Variants in DDX60 observed in about 807,000 individuals in gnomAD.
DDX60 encodes DExD/H-box helicase 60, also known as probable ATP-dependent RNA helicase DDX60.
In DDX60, 165 loss-of-function variants were observed where a neutral mutation model predicts 212.8. That is an observed-to-expected ratio of 0.78 (90% CI 0.68 to 0.88). The LOEUF (loss-of-function observed/expected upper bound fraction) is 0.88. DDX60 is among the 40% of genes least tolerant of loss of function. DDX60 has a pLI of 0.00. For synonymous variants in DDX60, 703 were observed against 685.3 expected, an observed-to-expected ratio of 1.03 and a Z score of -0.40; for missense variants, 1,905 against 2,003.9, an observed-to-expected ratio of 0.95 and a Z score of 0.94.
chr4:168,247,530 A>T lies in DDX60; in HGVS notation c.3963+658T>A, dbSNP rs1734063795. On this transcript the variant is annotated intron_variant, in intron 29 of 37. Coordinates refer to ENST00000393743, the MANE Select transcript of DDX60 (RefSeq NM_017631.6). ...AAACCTGCATGTGGGTGACATATCT[A>T]AATTTGATTCTGCGAGCAGAAATAA... 1.3e-5 allele frequency among the ~76,000 whole-genome samples: 2 copies of T among 152,234 alleles called. 1 individual carries two copies. The highest frequency in any genetic ancestry group is 1.3e-4 in the Admixed American group (2 of 15,282).
intron 25 of DDX60, among the ~76,000 whole-genome samples, chr4:168,257,393 A>G (rs1454845): frequency 0.38 from 57,028 of 152,030 alleles, 11,411 homozygotes; most frequent in African/African-American, 0.52. Flanking sequence ...ACTCACAACA[A>G]TCCTATGAAG....
intron 6 of DDX60, among the ~76,000 whole-genome samples, chr4:168,297,620 T>A (rs1480423505): frequency 6.6e-6 from 1 of 152,116 alleles, no homozygotes; most frequent in Non-Finnish European, 1.5e-5. Context: ...TCATTGCACA[T>A]CTTATCAAAA....
At chr4:168,306,992 C>T (rs1365875499) in intron 4 of DDX60, among the ~76,000 whole-genome samples, 2 of 152,172 alleles carry the variant, frequency 1.3e-5, no homozygotes, top group Non-Finnish European at 2.9e-5. Context: ...AATTCTTTTC[C>T]TCTCCAATCT....
intron 25 of DDX60, among the ~76,000 whole-genome samples, chr4:168,260,106 G>A (rs190013029): frequency 3.6e-3 from 550 of 151,712 alleles, no homozygotes; most frequent in African/African-American, 0.012. Context: ...TTTCTATGTC[G>A]TCTTTAATTT....
At chr4:168,243,242 T>G (rs1398249505) in intron 30 of DDX60, among the ~76,000 whole-genome samples, 2 of 152,140 alleles carry the variant, frequency 1.3e-5, no homozygotes, top group African/African-American at 2.4e-5. Context: ...CCAAAGCAAT[T>G]GCAACAAAAG....
intron 35 of DDX60, among the ~76,000 whole-genome samples, chr4:168,222,108 A>G (rs1733081223): frequency 6.6e-6 from 1 of 152,084 alleles, no homozygotes; most frequent in African/African-American, 2.4e-5. Flanking sequence ...ACAAAATACC[A>G]ATGGCACTTT....
chr4:168,271,927 A>T, intron 19 of DDX60, 116 bp downstream of exon 19: 1 of 771,664 alleles, frequency 1.3e-6, no homozygotes, highest in Non-Finnish European at 2.1e-6. Context: ...AAAAAAACGG[A>T]GGCCTTCTCA....
chr4:168,285,931 GGA>G (rs1735816728), intron 10 of DDX60, among the ~76,000 whole-genome samples: 1 of 132,864 alleles, frequency 7.5e-6, no homozygotes, highest in Admixed American at 8.2e-5. Flanking sequence ...AAGGAAGGAA[GGA>G]AGGAAGGGAG....
chr4:168,221,958 G>C, intron 35 of DDX60, 77 bp from the exon 36 acceptor site: 1 of 1,429,050 alleles, frequency 7.0e-7, no homozygotes, highest in Non-Finnish European at 9.5e-7. Context: ...GTGCTTTGTA[G>C]ATACATCCTT....
At chr4:168,292,669 C>T (rs1319384663) in intron 7 of DDX60, among the ~76,000 whole-genome samples, 1 of 152,098 alleles carries the variant, frequency 6.6e-6, no homozygotes, top group East Asian at 1.9e-4. Context: ...ATCTGAAAAA[C>T]CTGCCCTGTG....
chr4:168,249,731 T>C (rs1296311223), intron 28 of DDX60, among the ~76,000 whole-genome samples: 1 of 152,204 alleles, frequency 6.6e-6, no homozygotes, highest in Non-Finnish European at 1.5e-5. Context: ...ATATTGTACG[T>C]GGTTATTAGC....
At chr4:168,226,425 C>T (rs1237307571) in intron 33 of DDX60, among the ~76,000 whole-genome samples, 6 of 151,972 alleles carry the variant, frequency 3.9e-5, no homozygotes, top group African/African-American at 1.4e-4. Flanking sequence ...CTCCCTTGCC[C>T]CTTCCACCAT....
In DDX60 at chr4:168,271,317, G is replaced by C. The variant is rs1735088064; in HGVS notation, c.2670+726C>G. Among the ~76,000 whole-genome samples, 3 of 152,274 alleles carry C rather than the reference G, an allele frequency of 2.0e-5. No homozygotes were observed. The South Asian group carries it at 6.2e-4, about 32-fold the overall frequency. The stretch of plus-strand genomic sequence containing the variant: ...CTGACCCATAGACACTTCGTCAAAA[G>C]GACTCTTATGATTTCTGGTTCCACT... On this transcript the variant is annotated intron_variant, in intron 19 of 37. Transcript: ENST00000393743.
At chr4:168,225,712 T>C (rs1733230605) in intron 33 of DDX60, 36 bp from the exon 34 acceptor site, 1 of 1,584,950 alleles carries the variant, frequency 6.3e-7, no homozygotes, top group South Asian at 1.2e-5. Flanking sequence ...GATAGATCTA[T>C]TTACCTTCCT....
rs147220526 is a variant in DDX60, at chr4:168,304,824, TTAAA to T, written c.606+1551_606+1554del. On this transcript the variant is annotated intron_variant, in intron 5 of 37. Transcript: ENST00000393743. ...ATTACAGTAAGCTAATGTTAAGGTATTAAATAAAAAAGTATTTTTAAATAAATTT... is the reference window on the plus strand; with the variant it reads ...ATTACAGTAAGCTAATGTTAAGGTATTAAAAAAGTATTTTTAAATAAATTT... 7.0e-3 allele frequency among the ~76,000 whole-genome samples: 1,067 copies of T among 152,294 alleles called. 8 individuals are homozygous for T. The highest frequency in any genetic ancestry group is 0.012 in the Non-Finnish European group (830 of 68,014).
intron 1 of DDX60, among the ~76,000 whole-genome samples, chr4:168,316,282 A>G (rs758628774): frequency 4.6e-5 from 7 of 152,334 alleles, no homozygotes; most frequent in African/African-American, 7.2e-5. Flanking sequence ...ATGTGTACAT[A>G]CTCATAATTT....
At chr4:168,239,241 T>C (rs1733748512) in intron 30 of DDX60, among the ~76,000 whole-genome samples, 1 of 151,650 alleles carries the variant, frequency 6.6e-6, no homozygotes, top group Non-Finnish European at 1.5e-5. Flanking sequence ...ATGATAGAGA[T>C]AGGAAGATAG....
At chr4:168,285,941 G>GGA (rs1735819143) in intron 10 of DDX60, among the ~76,000 whole-genome samples, 1 of 105,048 alleles carries the variant, frequency 9.5e-6, no homozygotes, top group African/African-American at 3.8e-5. Context: ...GGAAGGAAGG[G>GGA]AGGAAGGGAG....
At chr4:168,316,856 G>A (rs1428391763) in intron 1 of DDX60, among the ~76,000 whole-genome samples, 13 of 151,654 alleles carry the variant, frequency 8.6e-5, no homozygotes, top group Admixed American at 3.9e-4. Flanking sequence ...TCGGGAGTTC[G>A]AGACCAGACT....
Sources: gnomAD v4.1 joint callset for allele counts (sites outside exome capture counted in the v4.1 genomes callset) on GRCh38, gnomAD v4.1.1 for gene constraint, MANE v1.5 for transcripts, NCBI Gene and HGNC (gene_info 2026-07-23, HGNC 2026-07-21) for gene names.